DISP1: variants seen among roughly 807,000 people sequenced by gnomAD.
DISP1 encodes the protein protein dispatched homolog 1.
DISP1 carries 30 observed loss-of-function variants against 37.3 expected under a neutral mutation model. The observed-to-expected ratio is 0.80, with a 90% CI of 0.60 to 1.09. The LOEUF (loss-of-function observed/expected upper bound fraction) is 1.09, where lower values mean the gene tolerates loss of function less well. DISP1 is among the 50% of genes least tolerant of loss of function. The pLI is 0.00. For synonymous variants in DISP1, 634 were observed against 690.2 expected (o/e 0.92, Z 1.28); for missense variants, 1,598 against 1,879.5 (o/e 0.85, Z 2.77).
intron 4 of DISP1, chr1:222,989,480 C>T: frequency 1.0e-6 from 1 of 985,350 alleles, no homozygotes; most frequent in Non-Finnish European, 1.2e-6. Context: ...ACGTGTGATC[C>T]AGGACCTCAT....
At chr1:223,000,284 G>A (rs1046397366) in intron 8 of DISP1, among the ~76,000 whole-genome samples, 2 of 152,100 alleles carry the variant, frequency 1.3e-5, no homozygotes, top group African/African-American at 2.4e-5. Context: ...TGTATGTTAC[G>A]TCTTTGTAAG....
At chr1:222,997,320 A>C (rs1679146493) in intron 8 of DISP1, among the ~76,000 whole-genome samples, 1 of 152,140 alleles carries the variant, frequency 6.6e-6, no homozygotes, top group African/African-American at 2.4e-5. Context: ...AGCAAAAAGG[A>C]TTCACAATCA....
intron 1 of DISP1, among the ~76,000 whole-genome samples, chr1:222,914,002 GTT>G (rs34776955): frequency 2.6e-4 from 33 of 128,672 alleles, no homozygotes; most frequent in Non-Finnish European, 3.9e-4. Flanking sequence ...TTTTTTGGTT[GTT>G]TTTTTTTTTT....
intron 1 of DISP1, among the ~76,000 whole-genome samples, chr1:222,889,536 G>T (rs944112406): frequency 1.3e-5 from 2 of 150,660 alleles, no homozygotes; most frequent in South Asian, 4.2e-4. Flanking sequence ...CATTGGGTTG[G>T]TTTATCATTT....
At chr1:222,975,681 T>C (rs1369979392) in intron 3 of DISP1, among the ~76,000 whole-genome samples, 1 of 152,192 alleles carries the variant, frequency 6.6e-6, no homozygotes, top group Non-Finnish European at 1.5e-5. Context: ...AGTTGTCCTC[T>C]TGACTGATAC....
In DISP1 at chr1:222,936,870, CAT is replaced by C. The variant is rs1330044995; in HGVS notation, c.-17-5930_-17-5929del. On this transcript the variant is annotated intron_variant, in intron 2 of 8. Transcript: ENST00000675850. ...TATATATGATATATAATTTATATAT[CAT>C]ATATATGATATATATAATATATTAT... is the stretch of plus-strand genomic sequence containing the variant. 3.3e-3 allele frequency among the ~76,000 whole-genome samples: 137 copies of C among 41,558 alleles called. 1 individual carries two copies. Among genetic ancestry groups the C allele is most frequent in the African/African-American group, 0.012 (134 of 10,886 alleles). The allele number at this position is 41,558 out of a possible 152,430, so 27.3% of individuals were successfully genotyped here. A position where few individuals can be genotyped will look rare whatever the true frequency, so the allele number is the denominator to read the frequency against.
intron 1 of DISP1, among the ~76,000 whole-genome samples, chr1:222,882,612 G>A (rs73128635): frequency 0.026 from 3,925 of 152,170 alleles, 181 homozygotes; most frequent in African/African-American, 0.088. Flanking sequence ...AATATTCTCT[G>A]TATGTTTCCT....
chr1:223,002,408 T>C lies in DISP1; in HGVS notation c.1011T>C (p.Gly337=). 1 of 1,614,076 alleles carries C rather than the reference T, an allele frequency of 6.2e-7. No individual in the cohort carries two copies. Among genetic ancestry groups the C allele is most frequent in the South Asian group, 1.1e-5 (1 of 91,074 alleles). ...AGATCAGATCTCATCCCCAGTTTGG[T>C]GATCTCTGCCAGAGGACCACTGCTG... is the stretch of plus-strand genomic sequence containing the variant. ...NSRIRSHPQF[G]DLCQRTTAAS... is the part of the protein sequence containing the mutation. The change falls in exon 9 of 9, where the codon GGT becomes GGC. Residue 337 remains glycine (G), a synonymous_variant. Transcript: ENST00000675850.
intron 1 of DISP1, among the ~76,000 whole-genome samples, chr1:222,882,025 G>T (rs764709565): frequency 2.0e-5 from 3 of 152,156 alleles, no homozygotes; most frequent in South Asian, 2.1e-4. Context: ...GTGGAGAGGG[G>T]TATGGACTTT....
intron 1 of DISP1, among the ~76,000 whole-genome samples, chr1:222,887,333 G>A (rs551846719): frequency 6.6e-6 from 1 of 152,006 alleles, no homozygotes. Context: ...TCTGATTGTA[G>A]CCAGAATATC....
Position 222,994,959 on chromosome 1 carries a change from A to G in DISP1, c.964A>G (p.Met322Val), listed in dbSNP as rs777517958. Residue 322 changes from methionine (M) to valine (V), a missense_variant, in exon 8 of 9, where the codon ATG (methionine) becomes GTG (valine). Transcript: ENST00000675850. Reference sequence around the variant, plus strand: ...ATGGAATTTACCTGCAATTAAATCAATGTGCAATGTAGATAATTCCAGGGT... The same window carrying G: ...ATGGAATTTACCTGCAATTAAATCAGTGTGCAATGTAGATAATTCCAGGGT... Reference protein sequence around the residue: ...TLWNLPAIKSMCNVDNSRIRS... With the variant: ...TLWNLPAIKSVCNVDNSRIRS... 6 of 1,612,716 alleles carry G rather than the reference A, an allele frequency of 3.7e-6. No homozygotes were observed. Among genetic ancestry groups the G allele is most frequent in the Non-Finnish European group, 5.1e-6 (6 of 1,178,988 alleles).
chr1:222,996,606 T>A (rs1679087528), intron 8 of DISP1, among the ~76,000 whole-genome samples: 1 of 152,214 alleles, frequency 6.6e-6, no homozygotes, highest in Non-Finnish European at 1.5e-5. Flanking sequence ...GTATTTACCA[T>A]GTGCCAGGAA....
At chr1:222,944,783 T>C (rs192029069) in intron 3 of DISP1, among the ~76,000 whole-genome samples, 1 of 152,366 alleles carries the variant, frequency 6.6e-6, no homozygotes, top group East Asian at 1.9e-4. Flanking sequence ...CATAATATTT[T>C]TGAGTTTCTT....
At chr1:222,845,698 GTATT>G (rs1446849538) in intron 1 of DISP1, among the ~76,000 whole-genome samples, 4 of 152,122 alleles carry the variant, frequency 2.6e-5, no homozygotes, top group African/African-American at 9.7e-5. Flanking sequence ...TTATGTGTAT[GTATT>G]TGTGTGTTTT....
intron 1 of DISP1, among the ~76,000 whole-genome samples, chr1:222,865,041 G>GT (rs575568184): frequency 6.1e-4 from 90 of 148,600 alleles, no homozygotes; most frequent in East Asian, 4.3e-3. Flanking sequence ...TTTTTGTTTT[G>GT]TTTTTTTTTC....
chr1:222,825,140 G>C (rs777390118), intron 1 of DISP1, among the ~76,000 whole-genome samples: 41 of 141,196 alleles, frequency 2.9e-4, no homozygotes, highest in Middle Eastern at 3.3e-3. Flanking sequence ...TCTCCCCAGG[G>C]ATGGGGAATG....
At chr1:222,978,475 G>A (rs1277418836) in intron 3 of DISP1, among the ~76,000 whole-genome samples, 1 of 152,184 alleles carries the variant, frequency 6.6e-6, no homozygotes, top group East Asian at 1.9e-4. Context: ...TAGGTTGCCT[G>A]TTCACTCTGT....
At chr1:222,847,133 AT>A (rs1440958025) in intron 1 of DISP1, among the ~76,000 whole-genome samples, 1 of 152,198 alleles carries the variant, frequency 6.6e-6, no homozygotes, top group Non-Finnish European at 1.5e-5. Flanking sequence ...AAACTGTATT[AT>A]CCTTATTTAT....
At chr1:222,957,554 A>C (rs1316832722) in intron 3 of DISP1, among the ~76,000 whole-genome samples, 2 of 152,152 alleles carry the variant, frequency 1.3e-5, no homozygotes, top group South Asian at 2.1e-4. Context: ...ATGCCACTGC[A>C]CTCCAGCCTG....
Sources: allele counts gnomAD v4.1 joint callset (sites outside exome capture counted in the v4.1 genomes callset), GRCh38; gene constraint gnomAD v4.1.1; transcripts MANE v1.5; gene names NCBI Gene and HGNC (gene_info 2026-07-23, HGNC 2026-07-21).